The following CCDC88A variants were observed in gnomAD, a reference collection of about 807,000 sequenced individuals.
CCDC88A encodes coiled-coil and HOOK domain protein 88A, also known as girdin.
A neutral mutation model predicts 234.3 loss-of-function variants in CCDC88A; 54 were observed. The observed-to-expected ratio is 0.23, with a 90% CI of 0.19 to 0.29. The LOEUF (loss-of-function observed/expected upper bound fraction) is 0.29, where lower values mean the gene tolerates loss of function less well. Ranked by LOEUF, CCDC88A falls within the 10% of genes least tolerant of loss-of-function variation. The pLI, the probability that CCDC88A is intolerant of heterozygous loss-of-function variation, is 1.00. For synonymous variants in CCDC88A, 753 were observed against 737.8 expected, an observed-to-expected ratio of 1.02 and a Z score of -0.33; for missense variants, 1,832 against 2,123.4, an observed-to-expected ratio of 0.86 and a Z score of 2.70.
chr2:55,319,437 G>A (rs1426670853), intron 18 of CCDC88A, among the ~76,000 whole-genome samples: 1 of 152,152 alleles, frequency 6.6e-6, no homozygotes. Context: ...ATACCTAAGT[G>A]AGTAGTGGTC....
chr2:55,404,297 T>C (rs1171451789), intron 2 of CCDC88A: 1 of 152,184 alleles, frequency 6.6e-6, no homozygotes, highest in Admixed American at 6.5e-5. Flanking sequence ...AAAATCTTTT[T>C]TCCAATCATC....
rs6735009 is a variant in CCDC88A at position 55,336,641 on chromosome 2, T to C, written c.1656+40A>G. The C allele has an allele frequency of 8.7e-3, 11,465 of 1,319,696 alleles. 446 individuals are homozygous for C. The African/African-American group carries it at 0.11, about 12-fold the overall frequency. The allele number at this position is 1,319,696 out of a possible 1,614,324, so 81.7% of individuals were successfully genotyped here. A position where few individuals can be genotyped will look rare whatever the true frequency, so the allele number is the denominator to read the frequency against. ...ATTTTAAATAACTTTTGCTAATAAA[T>C]TTTAAAATACATTGTTTACTTAGTA... On this transcript the variant is annotated intron_variant, in intron 14 of 32. Transcript: ENST00000436346.
At chr2:55,339,753 T>C in intron 12 of CCDC88A, 105 bp from the exon 13 acceptor site, 1 of 766,056 alleles carries the variant, frequency 1.3e-6, no homozygotes, top group Non-Finnish European at 2.0e-6. Context: ...CATCATCTGA[T>C]CCTTAACTTT....
intron 23 of CCDC88A, among the ~76,000 whole-genome samples, chr2:55,311,635 TC>T (rs1442547938): frequency 2.6e-5 from 4 of 152,250 alleles, no homozygotes; most frequent in African/African-American, 9.6e-5. Context: ...AATTTCAACA[TC>T]TGTGCTATTT....
chr2:55,346,029 T>C (rs1669070922), intron 10 of CCDC88A, 146 bp downstream of exon 10: 2 of 548,634 alleles, frequency 3.6e-6, no homozygotes, highest in Non-Finnish European at 6.4e-6. Context: ...AGCAATATGC[T>C]AATCTATCAT....
intron 7 of CCDC88A, among the ~76,000 whole-genome samples, chr2:55,360,659 A>G (rs894826468): frequency 2.0e-5 from 3 of 152,236 alleles, no homozygotes; most frequent in Non-Finnish European, 2.9e-5. Flanking sequence ...TATTCCTTTT[A>G]GTTTACCAGA....
At position 55,384,601 on chromosome 2, in the gene CCDC88A, G is replaced by A. The variant is rs1480014366; in HGVS notation, c.273+4177C>T. Among the ~76,000 whole-genome samples, 26 of 110,448 alleles carry A rather than the reference G, an allele frequency of 2.4e-4. 8 individuals carry two copies. Among genetic ancestry groups the A allele is most frequent in the South Asian group, 5.4e-4 (2 of 3,738 alleles). The allele number at this position is 110,448 out of a possible 152,430, so 72.5% of individuals were successfully genotyped here. ...TATGTGTATATATACACATATATAC[G>A]TATATATGTGTATATATACGTATAT... On this transcript the variant is annotated intron_variant, in intron 3 of 32. Coordinates refer to ENST00000436346, the MANE Select transcript of CCDC88A (RefSeq NM_001365480.1).
intron 3 of CCDC88A, among the ~76,000 whole-genome samples, chr2:55,383,321 C>T (rs1192611121): frequency 6.6e-6 from 1 of 151,780 alleles, no homozygotes; most frequent in African/African-American, 2.4e-5. Context: ...TCAGAATAAT[C>T]AAAATGTACT....
chr2:55,418,927 C>A lies in CCDC88A; in HGVS notation c.64-11G>T. 2 of 1,611,702 alleles carry A rather than the reference C, an allele frequency of 1.2e-6. No homozygotes were observed. Among genetic ancestry groups the A allele is most frequent in the Non-Finnish European group, 1.7e-6 (2 of 1,177,834 alleles). On this transcript the variant is annotated splice_polypyrimidine_tract_variant and intron_variant, in intron 1 of 32. Coordinates refer to ENST00000436346, the MANE Select transcript of CCDC88A (RefSeq NM_001365480.1). ...TCCAAACGTTTTAACCTAGAACAAA[C>A]AGAAGGATCACCACGACATGAACGC...
At position 55,332,427 on chromosome 2, in the gene CCDC88A, A is replaced by G; in HGVS notation, c.2855+139T>C. ...GTGAGCCACCGCACCCGGCTACAGA[A>G]CTTTCCTTAAGGGAAGGAAGGAACC... On this transcript the variant is annotated intron_variant, in intron 16 of 32. Transcript: ENST00000436346. The surrounding 1 kb of genome is among the most constrained non-coding windows in gnomAD (Gnocchi z 4.5). The G allele has an allele frequency of 7.4e-7, 1 of 1,350,692 alleles. No homozygotes were observed. Among genetic ancestry groups the G allele is most frequent in the East Asian group, 2.8e-5 (1 of 35,214 alleles). 83.7% of individuals were successfully genotyped at this position (1,350,692 alleles called of 1,614,324 possible). A position where few individuals can be genotyped will look rare whatever the true frequency, so the allele number is the denominator to read the frequency against.
rs200244243 is a variant in CCDC88A at position 55,384,553 on chromosome 2, A to G, written c.273+4225T>C. On this transcript the variant is annotated intron_variant, in intron 3 of 32. Transcript: ENST00000436346. ...TATACATATATACGTATATATGTGT[A>G]TATATACACATATATACGTATATAT... 2.2e-4 allele frequency among the ~76,000 whole-genome samples: 9 copies of G among 40,196 alleles called. 1 individual carries two copies. Among genetic ancestry groups the G allele is most frequent in the African/African-American group, 7.7e-4 (6 of 7,834 alleles). The allele number at this position is 40,196 out of a possible 152,430, so 26.4% of individuals were successfully genotyped here.
intron 18 of CCDC88A, among the ~76,000 whole-genome samples, chr2:55,321,418 G>A (rs1400762387): frequency 6.6e-6 from 1 of 151,998 alleles, no homozygotes; most frequent in Non-Finnish European, 1.5e-5. Flanking sequence ...AGGCGTGGTG[G>A]CAGGCGCCTG....
Position 55,346,271 on chromosome 2 carries a change from A to T in CCDC88A, c.945T>A (p.Leu315=). ...ARMYRDELDA[L]REKAVRVDKL... Reference sequence around the variant, plus strand: ...TATCGACTCTGACTGCTTTCTCTCGAAGTGCATCTAATTCATCTCGGTACA... The same window carrying T: ...TATCGACTCTGACTGCTTTCTCTCGTAGTGCATCTAATTCATCTCGGTACA... Residue 315 remains leucine, a synonymous_variant, in exon 10 of 33, where the codon CTT becomes CTA. Transcript: ENST00000436346. The T allele has an allele frequency of 6.2e-7, 1 of 1,612,066 alleles. No homozygotes were observed.
chr2:55,376,715 T>C (rs150986336), intron 3 of CCDC88A, among the ~76,000 whole-genome samples: 2 of 152,348 alleles, frequency 1.3e-5, no homozygotes, highest in East Asian at 1.9e-4. Context: ...AGAAATGATA[T>C]AGAGTTTGGA....
intron 10 of CCDC88A, among the ~76,000 whole-genome samples, chr2:55,345,163 G>T (rs188370147): frequency 6.6e-6 from 1 of 152,148 alleles, no homozygotes; most frequent in Non-Finnish European, 1.5e-5. Flanking sequence ...ACAGTGTCAT[G>T]CATACACAAG....
At chr2:55,386,944 G>A (rs1675739328) in intron 3 of CCDC88A, among the ~76,000 whole-genome samples, 1 of 151,308 alleles carries the variant, frequency 6.6e-6, no homozygotes, top group African/African-American at 2.4e-5. Flanking sequence ...GGAGGCCGAG[G>A]CGGGTGGATC....
intron 5 of CCDC88A, among the ~76,000 whole-genome samples, chr2:55,367,024 T>C (rs890475272): frequency 6.6e-6 from 1 of 152,190 alleles, no homozygotes; most frequent in Non-Finnish European, 1.5e-5. Flanking sequence ...CAATGATGAA[T>C]GGATGAACAA....
chr2:55,389,516 G>A (rs1202122846), intron 2 of CCDC88A, among the ~76,000 whole-genome samples: 2 of 152,136 alleles, frequency 1.3e-5, no homozygotes, highest in African/African-American at 2.4e-5. Context: ...CATCCAACAG[G>A]AAATAGAAAC....
At position 55,391,545 on chromosome 2, in the gene CCDC88A, C is replaced by T. The variant is rs117735613; in HGVS notation, c.165-2659G>A. Among the ~76,000 whole-genome samples, 125 of 152,112 alleles carry T rather than the reference C, an allele frequency of 8.2e-4. 2 individuals carry two copies. In the East Asian group the frequency reaches 0.022, roughly 27 times the overall value. Reference sequence around the variant, plus strand: ...TAAAGGATTTAAAGAAAGACATGAACGTTAAGTAGGAAGAAATGTAAATTA... The same window carrying T: ...TAAAGGATTTAAAGAAAGACATGAATGTTAAGTAGGAAGAAATGTAAATTA... On this transcript the variant is annotated intron_variant, in intron 2 of 32. Transcript: ENST00000436346.
Sources: allele counts gnomAD v4.1 joint callset (sites outside exome capture counted in the v4.1 genomes callset), GRCh38; gene constraint gnomAD v4.1.1; non-coding constraint Gnocchi (gnomAD v3.1); transcripts MANE v1.5; gene names NCBI Gene and HGNC (gene_info 2026-07-23, HGNC 2026-07-21).